M1AP: variants seen among roughly 807,000 people sequenced by gnomAD.
M1AP encodes the protein meiosis 1 associated protein.
In M1AP, 39 loss-of-function variants were observed where a neutral mutation model predicts 51.2. The ratio of observed to expected loss-of-function variants is 0.76; its 90% CI spans 0.59 to 1.00. The LOEUF is 1.00. Among genes scored for constraint, M1AP ranks in the 50% least tolerant of loss-of-function variants. The probability of loss-of-function intolerance (pLI) is 0.00; values close to 1 mark genes in which losing one functional copy is unlikely to be tolerated. For missense variants in M1AP, 545 were observed against 641.2 expected, an observed-to-expected ratio of 0.85 and a Z score of 1.62; for synonymous variants, 251 against 249.2, an observed-to-expected ratio of 1.01 and a Z score of -0.07.
At chr2:74,640,499 T>C (rs932244608) in intron 1 of M1AP, among the ~76,000 whole-genome samples, 172 bp from the exon 2 acceptor site, 9 of 148,276 alleles carry the variant, frequency 6.1e-5, no homozygotes, top group African/African-American at 2.3e-4. Flanking sequence ...TCTCGGTATG[T>C]CACCAGGCTG....
chr2:74,569,178 A>C (rs1678567097), intron 7 of M1AP, among the ~76,000 whole-genome samples: 1 of 152,198 alleles, frequency 6.6e-6, no homozygotes, highest in South Asian at 2.1e-4. Context: ...GAATCTACAA[A>C]AATGAAACAA....
intron 1 of M1AP, chr2:74,648,009 G>C (rs991308436): frequency 1.5e-5 from 15 of 984,972 alleles, no homozygotes; most frequent in African/African-American, 3.5e-5. Flanking sequence ...CCTCGGGCCT[G>C]GGGGCCCCGC....
At chr2:74,578,033 C>T (rs750348939) in intron 5 of M1AP, among the ~76,000 whole-genome samples, 2 of 152,172 alleles carry the variant, frequency 1.3e-5, no homozygotes, top group Admixed American at 6.5e-5. Context: ...ATGTGTAGTT[C>T]ACAATAGGGT....
rs1343887731 is a variant in M1AP at position 74,581,805 on chromosome 2, T to A, written c.638A>T (p.Asp213Val). The change falls in exon 5 of 11, where the codon GAC becomes GTC. Residue 213 changes from aspartate (D) to valine (V), a missense_variant. By Grantham distance (152) the Asp-to-Val change is radical. Transcript: ENST00000421985. ...AATCTCCATGCTGACGATATCATTG[T>A]CTATAGTCTGAAGGTCAATGTCAGT... ...LGTDIDLQTI[D>V]NDIVSMEIFF... is the part of the protein sequence containing the mutation. The A allele has an allele frequency of 1.2e-6, 2 of 1,613,934 alleles. No individual in the cohort carries two copies. Among genetic ancestry groups the A allele is most frequent in the African/African-American group, 2.7e-5 (2 of 74,922 alleles).
intron 1 of M1AP, among the ~76,000 whole-genome samples, chr2:74,644,547 A>C (rs1014005943): frequency 2.0e-5 from 3 of 152,122 alleles, no homozygotes; most frequent in Admixed American, 2.0e-4. Context: ...CAAAAAAAAA[A>C]AAAAAAATAC....
At chr2:74,583,180 A>G (rs997282741) in intron 4 of M1AP, among the ~76,000 whole-genome samples, 1 of 152,208 alleles carries the variant, frequency 6.6e-6, no homozygotes, top group African/African-American at 2.4e-5. Context: ...AGGGGACTTC[A>G]GCTTCATGTT....
intron 4 of M1AP, among the ~76,000 whole-genome samples, chr2:74,591,982 TC>T (rs1335711321): frequency 6.6e-6 from 1 of 151,988 alleles, no homozygotes; most frequent in Admixed American, 6.6e-5. Context: ...TTATTTTTTT[TC>T]AGTAGAGAAG....
intron 4 of M1AP, among the ~76,000 whole-genome samples, chr2:74,606,828 A>G (rs192494756): frequency 2.0e-5 from 3 of 152,230 alleles, no homozygotes; most frequent in Non-Finnish European, 4.4e-5. Context: ...ATTTAAGAAC[A>G]CAAAAAGACC....
intron 3 of M1AP, among the ~76,000 whole-genome samples, chr2:74,612,363 G>T (rs1327455425): frequency 6.6e-6 from 1 of 151,952 alleles, no homozygotes; most frequent in Non-Finnish European, 1.5e-5. Flanking sequence ...AGGACTACAG[G>T]TATGTGCACC....
intron 2 of M1AP, among the ~76,000 whole-genome samples, chr2:74,622,594 T>A (rs1305500655): frequency 1.3e-5 from 2 of 149,136 alleles, no homozygotes; most frequent in Non-Finnish European, 2.9e-5. Flanking sequence ...TAGAAAAATT[T>A]GTATTATATG....
At chr2:74,599,115 T>TA (rs1334429592) in intron 4 of M1AP, among the ~76,000 whole-genome samples, 1 of 152,048 alleles carries the variant, frequency 6.6e-6, no homozygotes, top group Non-Finnish European at 1.5e-5. Flanking sequence ...CTGTCTCTAC[T>TA]AAAAATACAA....
At chr2:74,634,280 A>G (rs1470569281) in intron 2 of M1AP, among the ~76,000 whole-genome samples, 1 of 152,168 alleles carries the variant, frequency 6.6e-6, no homozygotes, top group Non-Finnish European at 1.5e-5. Flanking sequence ...GGTGGTTACT[A>G]TAGAGGCAAT....
chr2:74,647,094 C>T (rs1485360868), intron 1 of M1AP, among the ~76,000 whole-genome samples: 1 of 152,142 alleles, frequency 6.6e-6, no homozygotes, highest in Non-Finnish European at 1.5e-5. Context: ...GGAACTGGGC[C>T]TTGAACCACT....
At chr2:74,559,833 G>A (rs1677782653) in intron 9 of M1AP, 124 bp from the exon 10 acceptor site, 4 of 686,552 alleles carry the variant, frequency 5.8e-6, no homozygotes, top group East Asian at 2.7e-5. Context: ...CTTTCCTTCA[G>A]CCTTTTCTTT....
chr2:74,644,222 T>C (rs1322327138), intron 1 of M1AP, among the ~76,000 whole-genome samples: 2 of 152,184 alleles, frequency 1.3e-5, no homozygotes, highest in Non-Finnish European at 2.9e-5. Flanking sequence ...CTTTGGAATT[T>C]AGAATCTTTA....
In M1AP at chr2:74,607,000, C is replaced by T. The variant is rs1681045751; in HGVS notation, c.595+55G>A. On this transcript the variant is annotated intron_variant, in intron 4 of 10. Coordinates refer to ENST00000421985, the MANE Select transcript of M1AP (RefSeq NM_001321739.2). Reference sequence around the variant, plus strand: ...TGTTGGTGTGCTGCACCCATTAACTCATCATTTTCATTAAAATTCTTACAA... The same window carrying T: ...TGTTGGTGTGCTGCACCCATTAACTTATCATTTTCATTAAAATTCTTACAA... 3.3e-6 allele frequency: 5 copies of T among 1,530,476 alleles called. 1 individual carries two copies. In the Admixed American group the frequency reaches 6.7e-5, roughly 21 times the overall value. 94.8% of individuals were successfully genotyped at this position (1,530,476 alleles called of 1,614,324 possible). A position where few individuals can be genotyped will look rare whatever the true frequency, so the allele number is the denominator to read the frequency against.
At chr2:74,606,608 A>G (rs1681020112) in intron 4 of M1AP, among the ~76,000 whole-genome samples, 2 of 152,024 alleles carry the variant, frequency 1.3e-5, no homozygotes, top group African/African-American at 4.8e-5. Context: ...GTGCATATAT[A>G]TATATATATA....
At chr2:74,590,300 G>C (rs373559510) in intron 4 of M1AP, among the ~76,000 whole-genome samples, 2 of 152,154 alleles carry the variant, frequency 1.3e-5, no homozygotes, top group African/African-American at 4.8e-5. Context: ...GGGCAGACAA[G>C]CTCCTTAGGG....
rs573452997 is a variant in M1AP at position 74,620,588 on chromosome 2, T to C, written c.241-5439A>G. The C allele has an allele frequency of 8.6e-5, 15 of 174,228 alleles. No individual in the cohort carries two copies. In the East Asian group the frequency reaches 1.8e-3, roughly 21 times the overall value. The allele number at this position is 174,228 out of a possible 1,614,324, so 10.8% of individuals were successfully genotyped here. A position where few individuals can be genotyped will look rare whatever the true frequency, so the allele number is the denominator to read the frequency against. Reference sequence around the variant, plus strand: ...TCAGTGGAGCCTGGGGCTACTGCAATGCAAAGAAAAGAGAAGCAGAGGCCA... The same window carrying C: ...TCAGTGGAGCCTGGGGCTACTGCAACGCAAAGAAAAGAGAAGCAGAGGCCA... On this transcript the variant is annotated intron_variant, in intron 2 of 10. Transcript: ENST00000421985.
Sources: gnomAD v4.1 joint callset for allele counts (sites outside exome capture counted in the v4.1 genomes callset) on GRCh38, gnomAD v4.1.1 for gene constraint, MANE v1.5 for transcripts, NCBI Gene and HGNC (gene_info 2026-07-23, HGNC 2026-07-21) for gene names.